Variants in FANCB observed in about 807,000 individuals in gnomAD.
FANCB encodes the protein FA complementation group B.
In FANCB, 5 loss-of-function variants were observed where a neutral mutation model predicts 38.9. The ratio of observed to expected loss-of-function variants is 0.13; its 90% CI spans 0.07 to 0.27. The LOEUF (loss-of-function observed/expected upper bound fraction) is 0.27. FANCB is among the 10% of genes least tolerant of loss of function. FANCB has a pLI of 1.00. For synonymous variants in FANCB, 236 were observed against 215.4 expected (o/e 1.10, Z -0.84); for missense variants, 573 against 602.7 (o/e 0.95, Z 0.52).
chrX:14,755,132 G>T, the FANCB span, among the ~76,000 whole-genome samples: 2 of 111,402 alleles, frequency 1.8e-5, no homozygotes, highest in African/African-American at 6.5e-5. Flanking sequence ...ACCAAATTAG[G>T]TATACAAGGA....
the FANCB span, among the ~76,000 whole-genome samples, chrX:14,692,476 T>C: frequency 8.9e-6 from 1 of 112,056 alleles, no homozygotes; most frequent in Non-Finnish European, 1.9e-5. Flanking sequence ...ATGGTTTAAG[T>C]CCTTCAACAA....
chrX:14,779,363 T>C, the FANCB span, among the ~76,000 whole-genome samples: 1 of 111,900 alleles, frequency 8.9e-6, no homozygotes, highest in Admixed American at 9.4e-5. Context: ...TGGGCTTTGG[T>C]GGGTGCTATG....
the FANCB span, among the ~76,000 whole-genome samples, chrX:14,763,653 C>T: frequency 9.0e-6 from 1 of 111,437 alleles, no homozygotes; most frequent in African/African-American, 3.3e-5. Context: ...TCTGTGAAGT[C>T]ATATCACGAT....
downstream of FANCB, among the ~76,000 whole-genome samples, chrX:14,842,154 C>T (rs1315773945): frequency 8.9e-6 from 1 of 111,863 alleles, no homozygotes; most frequent in African/African-American, 3.3e-5. Context: ...TATTCCATTT[C>T]CATATGCAGA....
At chrX:14,712,358 G>T in the FANCB span, among the ~76,000 whole-genome samples, 1 of 111,536 alleles carries the variant, frequency 9.0e-6, no homozygotes, top group African/African-American at 3.3e-5. Flanking sequence ...ATCCCCTAGG[G>T]GGCAAAAATG....
the FANCB span, among the ~76,000 whole-genome samples, chrX:14,751,263 G>T: frequency 7.1e-5 from 8 of 112,459 alleles, no homozygotes; most frequent in East Asian, 2.2e-3. Flanking sequence ...GTGTACAATG[G>T]ATAAATAGAT....
chrX:14,855,882 C>A (rs2092421353), intron 5 of FANCB, among the ~76,000 whole-genome samples: 2 of 112,039 alleles, frequency 1.8e-5, no homozygotes, highest in East Asian at 5.6e-4. Context: ...CTCCTTATCT[C>A]TCTGGGTTCC....
chrX:14,861,415 G>A (rs770591767), intron 3 of FANCB, among the ~76,000 whole-genome samples: 2 of 111,542 alleles, frequency 1.8e-5, no homozygotes, highest in Non-Finnish European at 1.9e-5. Flanking sequence ...ATTTATGCTT[G>A]TTTGTATTTT....
chrX:14,787,909 A>ATATC, the FANCB span, among the ~76,000 whole-genome samples: 1 of 72,354 alleles, frequency 1.4e-5, no homozygotes, highest in East Asian at 3.9e-4. Flanking sequence ...ATATATATAT[A>ATATC]TATATATATA....
the FANCB span, among the ~76,000 whole-genome samples, chrX:14,809,376 G>C: frequency 8.9e-6 from 1 of 112,596 alleles, no homozygotes; most frequent in Non-Finnish European, 1.9e-5. Context: ...GCAGGGCGAG[G>C]CATTGCCTCA....
the FANCB span, among the ~76,000 whole-genome samples, chrX:14,745,687 A>ATTTT: frequency 3.4e-5 from 1 of 29,219 alleles, no homozygotes; most frequent in African/African-American, 1.4e-4. Flanking sequence ...AAACTCTGGA[A>ATTTT]TTTTTTTTTT....
At chrX:14,742,725 G>C in the FANCB span, among the ~76,000 whole-genome samples, 2 of 112,136 alleles carry the variant, frequency 1.8e-5, no homozygotes, top group Non-Finnish European at 3.8e-5. Context: ...CATCAAAAAG[G>C]CTGGTTGGAA....
In FANCB at chrX:14,865,486, A is replaced by G; in HGVS notation, c.25T>C (p.Ser9Pro). The G allele has an allele frequency of 8.3e-7, 1 of 1,203,291 alleles. No homozygotes were observed. Among genetic ancestry groups the G allele is most frequent in the African/African-American group, 1.7e-5 (1 of 57,760 alleles). Residue 9 changes from serine (S) to proline (P), a missense_variant, in exon 3 of 10, where the codon TCT becomes CCT. Physicochemically the swap from Ser to Pro is moderately conservative, Grantham distance 74. Transcript: ENST00000650831. ...CACAAGAGCCTTTCTTGTTCGTTAG[A>G]TGACATTGCTTGTTTGCTAGTCATT... MTSKQAMS[S>P]NEQERLLCYN... is the part of the protein sequence containing the mutation.
the FANCB span, among the ~76,000 whole-genome samples, chrX:14,809,476 C>T: frequency 9.0e-6 from 1 of 111,501 alleles, no homozygotes; most frequent in African/African-American, 3.3e-5. Flanking sequence ...CACTCCCACC[C>T]TAATACTGTG....
the FANCB span, among the ~76,000 whole-genome samples, chrX:14,786,448 T>C: frequency 9.0e-6 from 1 of 111,320 alleles, no homozygotes; most frequent in Non-Finnish European, 1.9e-5. Context: ...GGACCCATTA[T>C]CTAAAAGTGG....
At chrX:14,760,266 T>C in the FANCB span, among the ~76,000 whole-genome samples, 1 of 112,190 alleles carries the variant, frequency 8.9e-6, no homozygotes. Context: ...TGGATAAACC[T>C]AGGACATTAT....
the FANCB span, among the ~76,000 whole-genome samples, chrX:14,725,780 G>A: frequency 8.9e-6 from 1 of 112,155 alleles, no homozygotes; most frequent in East Asian, 2.8e-4. Context: ...TAAAACTGAT[G>A]CATAAAATAC....
the FANCB span, among the ~76,000 whole-genome samples, chrX:14,759,139 G>A: frequency 2.7e-5 from 3 of 111,461 alleles, no homozygotes; most frequent in African/African-American, 9.8e-5. Flanking sequence ...TGAAGACAAG[G>A]CTTTCAAATT....
chrX:14,730,951 A>ACAC, the FANCB span: 1 of 97,716 alleles, frequency 1.0e-5, no homozygotes, highest in African/African-American at 4.3e-5. Flanking sequence ...CACACACACA[A>ACAC]ACTTCAAAAA....
Sources: gnomAD v4.1 joint callset for allele counts (sites outside exome capture counted in the v4.1 genomes callset) on GRCh38, gnomAD v4.1.1 for gene constraint, MANE v1.5 for transcripts, NCBI Gene and HGNC (gene_info 2026-07-23, HGNC 2026-07-21) for gene names.